Variants in OR14I1 observed in about 807,000 individuals in gnomAD.
OR14I1 encodes olfactory receptor 14I1.
For synonymous variants in OR14I1, 118 were observed against 71.1 expected (o/e 1.66, Z -3.32); for missense variants, 279 against 181.8 (o/e 1.53, Z -3.07).
At chr1:248,693,853 C>T in the OR14I1 span, among the ~76,000 whole-genome samples, 2 of 151,426 alleles carry the variant, frequency 1.3e-5, no homozygotes, top group Admixed American at 6.6e-5. Flanking sequence ...TATTAACTTG[C>T]CTGGTATGCT....
At chr1:248,697,362 A>G in the OR14I1 span, among the ~76,000 whole-genome samples, 1 of 151,672 alleles carries the variant, frequency 6.6e-6, no homozygotes, top group Admixed American at 6.6e-5. Flanking sequence ...TGGCTTTCAC[A>G]TTCACTTATT....
downstream of OR14I1, among the ~76,000 whole-genome samples, chr1:248,678,898 A>C (rs114238384): frequency 6.8e-3 from 1,037 of 152,340 alleles, 19 homozygotes; most frequent in African/African-American, 0.024. Flanking sequence ...GCTGAATATT[A>C]ATGTGGTCAT....
chr1:248,682,001 A>G (rs770752082), exon 1 of OR14I1: 3 of 781,034 alleles, frequency 3.8e-6, no homozygotes, highest in Non-Finnish European at 7.2e-6. Context: ...AAGGCAGAGA[A>G]AAAATAGACT....
At chr1:248,681,969 G>A (rs757750424) in exon 1 of OR14I1, 7 of 780,932 alleles carry the variant, frequency 9.0e-6, no homozygotes, top group Non-Finnish European at 1.7e-5. Context: ...TGACAGTAAG[G>A]AAGGCCAGCT....
chr1:248,701,926 A>G, the OR14I1 span, among the ~76,000 whole-genome samples: 1 of 152,204 alleles, frequency 6.6e-6, no homozygotes, highest in Non-Finnish European at 1.5e-5. Context: ...TGCAGGCTGT[A>G]CAGGAAGCAT....
the OR14I1 span, among the ~76,000 whole-genome samples, chr1:248,695,455 G>A: frequency 2.0e-5 from 3 of 152,080 alleles, no homozygotes; most frequent in Non-Finnish European, 2.9e-5. Context: ...GGATGGTCTC[G>A]ATCACCTGAC....
chr1:248,683,230 CTT>C (rs546325948), upstream of OR14I1, among the ~76,000 whole-genome samples: 202 of 152,260 alleles, frequency 1.3e-3, 1 homozygote, highest in African/African-American at 4.7e-3. Flanking sequence ...TAGAAAATAA[CTT>C]TGACTAACAT....
the OR14I1 span, among the ~76,000 whole-genome samples, chr1:248,689,709 A>T: frequency 6.6e-6 from 1 of 152,216 alleles, no homozygotes; most frequent in African/African-American, 2.4e-5. Context: ...ACTTGAACTC[A>T]GCTCTGGACC....
the OR14I1 span, among the ~76,000 whole-genome samples, chr1:248,696,456 G>A: frequency 3.9e-5 from 6 of 152,170 alleles, no homozygotes; most frequent in African/African-American, 1.4e-4. Flanking sequence ...AAGAACACTT[G>A]AATGGAAGCG....
chr1:248,696,670 A>T, the OR14I1 span, among the ~76,000 whole-genome samples: 1 of 152,182 alleles, frequency 6.6e-6, no homozygotes, highest in Admixed American at 6.5e-5. Context: ...CACTCAAAAA[A>T]TGTCCCTTTT....
the OR14I1 span, among the ~76,000 whole-genome samples, chr1:248,701,465 A>G: frequency 6.6e-6 from 1 of 152,192 alleles, no homozygotes; most frequent in African/African-American, 2.4e-5. Context: ...TAACTTTTTA[A>G]TAATAGGCAG....
the OR14I1 span, among the ~76,000 whole-genome samples, chr1:248,696,521 A>T: frequency 6.6e-6 from 1 of 152,182 alleles, no homozygotes; most frequent in African/African-American, 2.4e-5. Flanking sequence ...CCAGAGGCAG[A>T]TAGTGCAGAA....
the OR14I1 span, among the ~76,000 whole-genome samples, chr1:248,687,700 C>T: frequency 2.0e-5 from 3 of 152,216 alleles, no homozygotes; most frequent in Non-Finnish European, 4.4e-5. Flanking sequence ...GAGCTCTGCC[C>T]AGCAGTGTGA....
chr1:248,702,517 A>G, the OR14I1 span, among the ~76,000 whole-genome samples: 2 of 152,064 alleles, frequency 1.3e-5, no homozygotes, highest in Admixed American at 6.5e-5. Context: ...TTAGAATTCT[A>G]CTTTTTTTTG....
the OR14I1 span, among the ~76,000 whole-genome samples, chr1:248,695,270 G>A: frequency 8.1e-6 from 1 of 124,182 alleles, no homozygotes; most frequent in Non-Finnish European, 1.6e-5. Flanking sequence ...GTCTCGCTCT[G>A]TCGCCCGGGC....
chr1:248,699,552 G>C, the OR14I1 span, among the ~76,000 whole-genome samples: 772 of 152,248 alleles, frequency 5.1e-3, 8 homozygotes, highest in South Asian at 0.025. Flanking sequence ...AGGAGTGGGG[G>C]AGAGGAAAAT....
the OR14I1 span, among the ~76,000 whole-genome samples, chr1:248,701,342 C>T: frequency 6.6e-6 from 1 of 151,060 alleles, no homozygotes; most frequent in Non-Finnish European, 1.5e-5. Context: ...TAAGTAGAGA[C>T]GGGGTTTCAC....
At chr1:248,686,629 A>C (rs1458397320), upstream of OR14I1, among the ~76,000 whole-genome samples, 1 of 149,506 alleles carries the variant, frequency 6.7e-6, no homozygotes, top group Non-Finnish European at 1.5e-5. Flanking sequence ...CTAAGAGAAC[A>C]ATTAAATCAC....
upstream of OR14I1, among the ~76,000 whole-genome samples, chr1:248,687,038 C>T (rs914871541): frequency 6.6e-6 from 1 of 152,192 alleles, no homozygotes; most frequent in Admixed American, 6.5e-5. Flanking sequence ...GATGCTGCCT[C>T]CTCTGGGTTA....
Sources: allele counts gnomAD v4.1 joint callset (sites outside exome capture counted in the v4.1 genomes callset), GRCh38; gene constraint gnomAD v4.1.1; transcripts MANE v1.5; gene names NCBI Gene and HGNC (gene_info 2026-07-23, HGNC 2026-07-21).